PACRG: variants seen among roughly 807,000 people sequenced by gnomAD.
PACRG encodes the protein parkin coregulated gene protein.
A neutral mutation model predicts 29.7 loss-of-function variants in PACRG; 29 were observed. The observed-to-expected ratio is 0.98, with a 90% CI of 0.73 to 1.33. The LOEUF (loss-of-function observed/expected upper bound fraction) is 1.33. Among genes scored for constraint, PACRG ranks in the 40% most tolerant of loss-of-function variants. PACRG has a pLI of 0.00. For missense variants in PACRG, 279 were observed against 316.2 expected, an observed-to-expected ratio of 0.88 and a Z score of 0.89; for synonymous variants, 116 against 118.7, an observed-to-expected ratio of 0.98 and a Z score of 0.15.
At chr6:162,827,362 CATTTCATGAGAAA>C (rs1357883051) in intron 2 of PACRG, among the ~76,000 whole-genome samples, 1 of 152,116 alleles carries the variant, frequency 6.6e-6, no homozygotes, top group African/African-American at 2.4e-5. Context: ...GTAGATGGTT[CATTTCATGAGAAA>C]GAAATATGGA....
intron 4 of PACRG, among the ~76,000 whole-genome samples, chr6:163,233,303 A>G (rs1380193040): frequency 6.6e-6 from 1 of 152,230 alleles, no homozygotes; most frequent in Non-Finnish European, 1.5e-5. Flanking sequence ...GAACTGATTG[A>G]TGAACAAAAA....
intron 4 of PACRG, among the ~76,000 whole-genome samples, chr6:163,184,213 C>A (rs1413267258): frequency 1.3e-5 from 2 of 152,314 alleles, no homozygotes; most frequent in Non-Finnish European, 2.9e-5. Context: ...AAATTTACCC[C>A]AGTGCTAATA....
intron 1 of PACRG, among the ~76,000 whole-genome samples, chr6:162,746,523 T>C (rs1780996307): frequency 6.6e-6 from 1 of 152,248 alleles, no homozygotes; most frequent in Non-Finnish European, 1.5e-5. Flanking sequence ...GGAAATGTTA[T>C]ATTTGCTGAT....
chr6:163,254,648 A>G (rs1783039525), intron 4 of PACRG, among the ~76,000 whole-genome samples: 1 of 152,152 alleles, frequency 6.6e-6, no homozygotes, highest in African/African-American at 2.4e-5. Flanking sequence ...GCCATGTGTT[A>G]CCCATAATTG....
chr6:163,277,216 T>C (rs990157242), intron 4 of PACRG, among the ~76,000 whole-genome samples: 1 of 151,868 alleles, frequency 6.6e-6, no homozygotes, highest in Non-Finnish European at 1.5e-5. Flanking sequence ...CTGAGCTGTG[T>C]ACACTGTACC....
At chr6:163,085,157 A>G (rs1013514488) in intron 3 of PACRG, among the ~76,000 whole-genome samples, 1 of 152,084 alleles carries the variant, frequency 6.6e-6, no homozygotes, top group African/African-American at 2.4e-5. Flanking sequence ...TTAAAACACA[A>G]AAACAAAACC....
At chr6:162,851,903 AG>A (rs1790891783) in intron 2 of PACRG, among the ~76,000 whole-genome samples, 1 of 150,462 alleles carries the variant, frequency 6.6e-6, no homozygotes. Flanking sequence ...AAAGTATAGA[AG>A]GAAAAAGAAA....
At chr6:162,787,596 A>G (rs1286498928) in intron 1 of PACRG, among the ~76,000 whole-genome samples, 59 of 135,510 alleles carry the variant, frequency 4.4e-4, no homozygotes, top group East Asian at 3.0e-3. Flanking sequence ...ATATATATAT[A>G]TATATATATA....
intron 2 of PACRG, among the ~76,000 whole-genome samples, chr6:162,871,337 C>A (rs989773856): frequency 1.3e-5 from 2 of 152,164 alleles, no homozygotes; most frequent in Admixed American, 6.5e-5. Flanking sequence ...AGTTCTGGTA[C>A]AAGGTATTTC....
chr6:162,729,108 A>G (rs1779534733), intron 1 of PACRG, among the ~76,000 whole-genome samples: 1 of 152,218 alleles, frequency 6.6e-6, no homozygotes, highest in Non-Finnish European at 1.5e-5. Context: ...GATTAAAAAT[A>G]TATACAAATA....
intron 4 of PACRG, among the ~76,000 whole-genome samples, chr6:163,214,076 A>G (rs1268933059): frequency 2.6e-5 from 4 of 152,214 alleles, no homozygotes; most frequent in Admixed American, 1.3e-4. Flanking sequence ...TCTTTTCATT[A>G]ATAACATGCT....
intron 2 of PACRG, among the ~76,000 whole-genome samples, chr6:162,903,593 A>G (rs550789092): frequency 2.2e-4 from 34 of 152,218 alleles, no homozygotes; most frequent in East Asian, 1.2e-3. Context: ...TCACTACCAC[A>G]AGAACAGTAT....
intron 4 of PACRG, among the ~76,000 whole-genome samples, chr6:163,098,987 C>T (rs1453389554): frequency 1.3e-5 from 2 of 152,200 alleles, no homozygotes; most frequent in Non-Finnish European, 2.9e-5. Flanking sequence ...TTACTGCGAC[C>T]TATTTCATCA....
chr6:163,148,002 C>T (rs142983896), intron 4 of PACRG, among the ~76,000 whole-genome samples: 1 of 152,320 alleles, frequency 6.6e-6, no homozygotes, highest in Admixed American at 6.5e-5. Context: ...GGTTAATACT[C>T]ATTATCTGGT....
At chr6:163,204,405 T>C (rs1006477835) in intron 4 of PACRG, among the ~76,000 whole-genome samples, 1 of 152,224 alleles carries the variant, frequency 6.6e-6, no homozygotes, top group Non-Finnish European at 1.5e-5. Context: ...CCTTTTCCCC[T>C]TGGTTTAATA....
At chr6:162,940,428 CTCTG>C (rs368781672) in intron 2 of PACRG, among the ~76,000 whole-genome samples, 20 of 152,196 alleles carry the variant, frequency 1.3e-4, no homozygotes, top group Admixed American at 9.8e-4. Flanking sequence ...TCCTATCTCT[CTCTG>C]TCTGTCTGTC....
At chr6:163,269,042 T>C (rs1783640110) in intron 4 of PACRG, among the ~76,000 whole-genome samples, 1 of 152,234 alleles carries the variant, frequency 6.6e-6, no homozygotes, top group African/African-American at 2.4e-5. Flanking sequence ...AAATGTCAGT[T>C]TTTAAAAGAT....
intron 4 of PACRG, among the ~76,000 whole-genome samples, chr6:163,240,088 ACT>A (rs746499821): frequency 3.5e-4 from 29 of 81,940 alleles, no homozygotes; most frequent in African/African-American, 7.9e-4. Context: ...CCCCACACAC[ACT>A]CACACACACA....
intron 4 of PACRG, among the ~76,000 whole-genome samples, chr6:163,263,607 T>C (rs1783421027): frequency 6.6e-6 from 1 of 152,222 alleles, no homozygotes; most frequent in Non-Finnish European, 1.5e-5. Context: ...AATTTTTTTC[T>C]GACAATATCT....
Sources: gnomAD v4.1 joint callset for allele counts (sites outside exome capture counted in the v4.1 genomes callset) on GRCh38, gnomAD v4.1.1 for gene constraint, MANE v1.5 for transcripts, NCBI Gene and HGNC (gene_info 2026-07-23, HGNC 2026-07-21) for gene names.